Variants in PRELID2 observed in about 807,000 individuals in gnomAD.
PRELID2 encodes PRELI domain containing 2.
In PRELID2, 25 loss-of-function variants were observed where a neutral mutation model predicts 28.4. The observed-to-expected ratio is 0.88, with a 90% CI of 0.64 to 1.23. The LOEUF (loss-of-function observed/expected upper bound fraction) is 1.23, where lower values mean the gene tolerates loss of function less well. Among genes scored for constraint, PRELID2 ranks in the 50% most tolerant of loss-of-function variants. The pLI, the probability that PRELID2 is intolerant of heterozygous loss-of-function variation, is 0.00. For missense variants in PRELID2, 201 were observed against 214.4 expected, an observed-to-expected ratio of 0.94 and a Z score of 0.39; for synonymous variants, 76 against 71.6, an observed-to-expected ratio of 1.06 and a Z score of -0.31.
intron 1 of PRELID2, among the ~76,000 whole-genome samples, chr5:145,626,018 C>T (rs775676228): frequency 6.6e-6 from 1 of 152,006 alleles, no homozygotes; most frequent in African/African-American, 2.4e-5. Context: ...CCATCATATA[C>T]AAAAATTAAC....
At chr5:145,530,143 T>C (rs1370377915) in intron 1 of PRELID2, among the ~76,000 whole-genome samples, 2 of 152,076 alleles carry the variant, frequency 1.3e-5, no homozygotes, top group Non-Finnish European at 1.5e-5. Flanking sequence ...AGCAAGTGAG[T>C]AACTCAAAAT....
intron 4 of PRELID2, among the ~76,000 whole-genome samples, chr5:145,800,548 G>A (rs1753068394): frequency 6.6e-6 from 1 of 152,150 alleles, no homozygotes; most frequent in African/African-American, 2.4e-5. Context: ...TCTTGGGAGA[G>A]ATGAACTCTT....
At chr5:145,814,383 C>CTTTA (rs935766614) in intron 4 of PRELID2, among the ~76,000 whole-genome samples, 4 of 152,150 alleles carry the variant, frequency 2.6e-5, no homozygotes, top group African/African-American at 9.7e-5. Flanking sequence ...TGGCCACAGC[C>CTTTA]TTTACACTTA....
chr5:145,316,513 C>T, the PRELID2 span, among the ~76,000 whole-genome samples: 9 of 152,176 alleles, frequency 5.9e-5, no homozygotes, highest in East Asian at 3.9e-4. Flanking sequence ...CTCTTCTCCA[C>T]GCCCAATGTG....
At chr5:145,797,198 T>A (rs1275952635) in intron 4 of PRELID2, among the ~76,000 whole-genome samples, 1 of 152,148 alleles carries the variant, frequency 6.6e-6, no homozygotes, top group Non-Finnish European at 1.5e-5. Context: ...GATGGCTGAA[T>A]AGGAAGTCCC....
At chr5:145,411,336 C>T in the PRELID2 span, among the ~76,000 whole-genome samples, 1 of 152,128 alleles carries the variant, frequency 6.6e-6, no homozygotes, top group African/African-American at 2.4e-5. Context: ...AGACATGCCC[C>T]CATGATTCAA....
chr5:145,548,663 C>T (rs2126678936), intron 1 of PRELID2, among the ~76,000 whole-genome samples: 1 of 152,238 alleles, frequency 6.6e-6, no homozygotes, highest in Non-Finnish European at 1.5e-5. Context: ...GTGGTGTCTA[C>T]CCAGGCCATG....
At chr5:145,285,561 G>A in the PRELID2 span, among the ~76,000 whole-genome samples, 1 of 152,138 alleles carries the variant, frequency 6.6e-6, no homozygotes, top group Non-Finnish European at 1.5e-5. Context: ...TAAGTAAAGT[G>A]TATTCAAACA....
At chr5:145,781,719 CTA>C (rs916043879) in intron 5 of PRELID2, among the ~76,000 whole-genome samples, 4 of 144,516 alleles carry the variant, frequency 2.8e-5, no homozygotes, top group Admixed American at 7.1e-5. Context: ...TACACACACA[CTA>C]TATATATATA....
At chr5:145,816,833 T>C (rs966059831) in intron 4 of PRELID2, among the ~76,000 whole-genome samples, 1 of 152,084 alleles carries the variant, frequency 6.6e-6, no homozygotes, top group Non-Finnish European at 1.5e-5. Flanking sequence ...TTTTATTGTA[T>C]GCAAATAATA....
At chr5:145,472,930 A>C (rs1406057413) in intron 2 of PRELID2, among the ~76,000 whole-genome samples, 1 of 152,158 alleles carries the variant, frequency 6.6e-6, no homozygotes, top group Non-Finnish European at 1.5e-5. Flanking sequence ...GTTTCTTTGG[A>C]ATCTGACCTA....
chr5:145,349,279 T>A, the PRELID2 span, among the ~76,000 whole-genome samples: 2 of 152,174 alleles, frequency 1.3e-5, no homozygotes, highest in African/African-American at 4.8e-5. Flanking sequence ...TTCTAAAGAA[T>A]TTTTAAATAT....
intron 1 of PRELID2, among the ~76,000 whole-genome samples, chr5:145,694,881 G>C (rs192431407): frequency 5.3e-4 from 80 of 151,732 alleles, no homozygotes; most frequent in African/African-American, 1.9e-3. Context: ...AATGTTTAAA[G>C]GGTAGTCATG....
At chr5:145,535,184 C>T (rs1752689260) in intron 1 of PRELID2, among the ~76,000 whole-genome samples, 1 of 151,930 alleles carries the variant, frequency 6.6e-6, no homozygotes, top group African/African-American at 2.4e-5. Flanking sequence ...AAAAATTACA[C>T]TTTGCTCCTC....
At chr5:145,551,169 G>A (rs930068971) in intron 1 of PRELID2, among the ~76,000 whole-genome samples, 12 of 152,048 alleles carry the variant, frequency 7.9e-5, no homozygotes, top group African/African-American at 2.2e-4. Context: ...TTGGGAGGCC[G>A]AGGGGGGCAG....
chr5:145,679,867 A>C (rs1032108310), intron 1 of PRELID2, among the ~76,000 whole-genome samples: 2 of 149,666 alleles, frequency 1.3e-5, no homozygotes. Flanking sequence ...CATTTATACA[A>C]CTAATTTTAT....
the PRELID2 span, among the ~76,000 whole-genome samples, chr5:145,371,554 A>AT: frequency 6.6e-6 from 1 of 152,048 alleles, no homozygotes; most frequent in African/African-American, 2.4e-5. Context: ...TTCATCAGGA[A>AT]TATTGGGCTA....
chr5:145,817,576 A>AGT (rs1440340543), intron 4 of PRELID2, among the ~76,000 whole-genome samples: 1 of 151,534 alleles, frequency 6.6e-6, no homozygotes, highest in Non-Finnish European at 1.5e-5. Flanking sequence ...AGGCTCTATG[A>AGT]GTATATATAT....
intron 1 of PRELID2, among the ~76,000 whole-genome samples, chr5:145,741,970 ATTT>A (rs1459237129): frequency 1.7e-4 from 9 of 53,780 alleles, no homozygotes; most frequent in African/African-American, 4.8e-4. Context: ...AAATAAATAA[ATTT>A]ATTTAATTAT....
Sources: gnomAD v4.1 joint callset for allele counts (sites outside exome capture counted in the v4.1 genomes callset) on GRCh38, gnomAD v4.1.1 for gene constraint, MANE v1.5 for transcripts, NCBI Gene and HGNC (gene_info 2026-07-23, HGNC 2026-07-21) for gene names.